Variants in VWA5A observed in about 807,000 individuals in gnomAD.
The protein encoded by VWA5A is von Willebrand factor A domain-containing protein 5A.
Under a neutral mutation model 84.6 loss-of-function variants are expected in VWA5A, and 77 were observed. The observed-to-expected ratio is 0.91, with a 90% confidence interval of 0.76 to 1.10. The LOEUF (loss-of-function observed/expected upper bound fraction) is 1.10. Among genes scored for constraint, VWA5A ranks in the 50% least tolerant of loss-of-function variants. VWA5A has a pLI of 0.00. For synonymous variants in VWA5A, 334 were observed against 350.1 expected (o/e 0.95, Z 0.51); for missense variants, 973 against 963.0 (o/e 1.01, Z -0.14).
intron 11 of VWA5A, among the ~76,000 whole-genome samples, chr11:124,125,644 T>C (rs1591359408): frequency 6.6e-6 from 1 of 152,174 alleles, no homozygotes; most frequent in South Asian, 2.1e-4. Context: ...CCACTTCATA[T>C]TTACCCGCCA....
rs756606640 is a variant in VWA5A, at chr11:124,137,053, A to T, written c.1664A>T (p.Gln555Leu). 1 of 1,612,692 alleles carries T rather than the reference A, an allele frequency of 6.2e-7. No individual in the cohort carries two copies. Among genetic ancestry groups the T allele is most frequent in the African/African-American group, 1.3e-5 (1 of 74,494 alleles). ...CGCCTTGCTGCCAAGTCCTTGCTCCAGACCAAGGACATGGGCCTCAGGGAG... is the reference window on the plus strand; with the variant it reads ...CGCCTTGCTGCCAAGTCCTTGCTCCTGACCAAGGACATGGGCCTCAGGGAG... ...IHRLAAKSLL[Q>L]TKDMGLRETP... The change falls in exon 15 of 19, where the codon CAG (glutamine) becomes CTG (leucine). Residue 555 changes from glutamine to leucine, a missense_variant. Coordinates refer to ENST00000456829, the MANE Select transcript of VWA5A (RefSeq NM_001130142.2).
intron 7 of VWA5A, among the ~76,000 whole-genome samples, chr11:124,122,340 C>T (rs1297454498): frequency 6.6e-6 from 1 of 152,158 alleles, no homozygotes; most frequent in Non-Finnish European, 1.5e-5. Flanking sequence ...CTGTGGTCAC[C>T]CCCACACCAT....
chr11:124,135,108 T>G, intron 12 of VWA5A, 74 bp downstream of exon 12: 1 of 1,309,670 alleles, frequency 7.6e-7, no homozygotes, highest in African/African-American at 1.5e-5. Context: ...GGGAACACTG[T>G]GTAAGGGCAG....
chr11:124,131,005 A>G (rs1865089212), intron 11 of VWA5A, among the ~76,000 whole-genome samples: 1 of 151,994 alleles, frequency 6.6e-6, no homozygotes, highest in Non-Finnish European at 1.5e-5. Flanking sequence ...CTTCTTTTCT[A>G]CAGTGAGATA....
chr11:124,117,831 G>A lies in VWA5A; in HGVS notation c.202G>A (p.Val68Met), dbSNP rs761317971. The change falls in exon 4 of 19, where the codon GTG becomes ATG. Residue 68 changes from valine (V) to methionine (M), a missense_variant. Val to Met is a conservative substitution (Grantham distance 21, BLOSUM62 1). Transcript: ENST00000456829. ...DSAVYSFEAL[V>M]DGKKIVAELQ... Reference sequence around the variant, plus strand: ...TGCTGTTTACAGCTTTGAGGCCTTGGTGGATGGGAAGAAAATTGTAGCAGA... The same window carrying A: ...TGCTGTTTACAGCTTTGAGGCCTTGATGGATGGGAAGAAAATTGTAGCAGA... 5.6e-6 allele frequency: 9 copies of A among 1,614,178 alleles called. No homozygotes were observed. The East Asian group carries it at 2.0e-4, about 36-fold the overall frequency.
intron 11 of VWA5A, among the ~76,000 whole-genome samples, chr11:124,128,576 A>G (rs1865052838): frequency 6.6e-6 from 1 of 151,684 alleles, no homozygotes; most frequent in Non-Finnish European, 1.5e-5. Context: ...TGATGGCAGT[A>G]TGGCCATTTT....
chr11:124,145,598 A>G (rs990651106), intron 18 of VWA5A, among the ~76,000 whole-genome samples: 3 of 152,200 alleles, frequency 2.0e-5, no homozygotes, highest in Non-Finnish European at 2.9e-5. Flanking sequence ...TGAGAAGGAC[A>G]AGTGGCATTG....
In VWA5A at chr11:124,124,368, G is replaced by A. The variant is rs907746618; in HGVS notation, c.1244+52G>A. 3 of 1,601,984 alleles carry A rather than the reference G, an allele frequency of 1.9e-6. No individual in the cohort carries two copies. In the African/African-American group the frequency reaches 4.0e-5, roughly 22 times the overall value. ...GATTGGTGCTGAGTAGTGACACACA[G>A]ACTCTAGTGCTACATGATGCCGGTG... On this transcript the variant is annotated intron_variant, in intron 11 of 18. Transcript: ENST00000456829.
rs1397898339 is a variant in VWA5A at position 124,118,336 on chromosome 11, G to A, written c.394G>A (p.Glu132Lys). Residue 132 changes from glutamate (E) to lysine (K), a missense_variant, in exon 5 of 19, where the codon GAG becomes AAG. Coordinates refer to ENST00000456829, the MANE Select transcript of VWA5A (RefSeq NM_001130142.2). ...GGCAGTCACCCTGAAGTATGTGCAGGAGCTGCCTCTGGAAGCAGATGGGGC... is the reference window on the plus strand; with the variant it reads ...GGCAGTCACCCTGAAGTATGTGCAGAAGCTGCCTCTGGAAGCAGATGGGGC... ...KAAVTLKYVQ[E>K]LPLEADGALR... The A allele has an allele frequency of 6.2e-7, 1 of 1,614,064 alleles. No homozygotes were observed. The highest frequency in any genetic ancestry group is 8.5e-7 in the Non-Finnish European group (1 of 1,180,036).
At chr11:124,116,887 C>T (rs1375660117) in intron 2 of VWA5A, among the ~76,000 whole-genome samples, 1 of 152,104 alleles carries the variant, frequency 6.6e-6, no homozygotes, top group Non-Finnish European at 1.5e-5. Context: ...AAAGAAAAGC[C>T]ACAAGGTAAA....
intron 11 of VWA5A, among the ~76,000 whole-genome samples, chr11:124,133,396 C>A (rs1322948559): frequency 6.6e-6 from 1 of 152,232 alleles, no homozygotes; most frequent in Non-Finnish European, 1.5e-5. Context: ...GTACTTGGCA[C>A]TTGCTTCAAA....
intron 7 of VWA5A, among the ~76,000 whole-genome samples, chr11:124,120,685 G>A (rs1340655854): frequency 1.3e-5 from 2 of 152,118 alleles, no homozygotes; most frequent in Non-Finnish European, 2.9e-5. Flanking sequence ...CCTCTTCCAC[G>A]AAGCTCCATG....
At chr11:124,128,030 G>T (rs1040361896) in intron 11 of VWA5A, among the ~76,000 whole-genome samples, 1 of 152,102 alleles carries the variant, frequency 6.6e-6, no homozygotes, top group Non-Finnish European at 1.5e-5. Context: ...GATCCCATTT[G>T]TCAATTTTGA....
At chr11:124,138,041 C>T (rs138865220) in intron 15 of VWA5A, among the ~76,000 whole-genome samples, 52 of 152,060 alleles carry the variant, frequency 3.4e-4, no homozygotes, top group Admixed American at 2.3e-3. Flanking sequence ...TTGTATTTTT[C>T]GTAGAGATGG....
intron 11 of VWA5A, among the ~76,000 whole-genome samples, chr11:124,132,156 T>G (rs1446800857): frequency 6.6e-6 from 1 of 152,136 alleles, no homozygotes; most frequent in Non-Finnish European, 1.5e-5. Flanking sequence ...TGATAATTCT[T>G]AAATGTTAGA....
At chr11:124,126,020 A>G (rs1865014057) in intron 11 of VWA5A, among the ~76,000 whole-genome samples, 1 of 152,214 alleles carries the variant, frequency 6.6e-6, no homozygotes, top group African/African-American at 2.4e-5. Flanking sequence ...GCACAGTGTC[A>G]TCTCTGTCAT....
chr11:124,123,771 C>T lies in VWA5A; in HGVS notation c.1131C>T (p.Tyr377=), dbSNP rs377683625. The stretch of plus-strand genomic sequence containing the variant: ...TCTTGGCACCACTCCAGAACATTTA[C>T]AGGGGACCCTCCATCCCAGGCCACC... The part of the protein sequence containing the change: ...TEILAPLQNI[Y]RGPSIPGHPL... The change falls in exon 10 of 19, where the codon TAC becomes TAT. Residue 377 remains tyrosine, a synonymous_variant. Coordinates refer to ENST00000456829, the MANE Select transcript of VWA5A (RefSeq NM_001130142.2). 1.2e-6 allele frequency: 2 copies of T among 1,600,136 alleles called. No homozygotes were observed. The highest frequency in any genetic ancestry group is 1.7e-6 in the Non-Finnish European group (2 of 1,174,420).
In VWA5A at chr11:124,124,417, A is replaced by G. The variant is rs947846689; in HGVS notation, c.1244+101A>G. On this transcript the variant is annotated intron_variant, in intron 11 of 18. Transcript: ENST00000456829. ...TGTTGACCTTCCTTCAAGAGGACCAAATGATTTCAGAATTTAGTTTTAGCA... is the reference window on the plus strand; with the variant it reads ...TGTTGACCTTCCTTCAAGAGGACCAGATGATTTCAGAATTTAGTTTTAGCA... The G allele has an allele frequency of 6.2e-6, 9 of 1,456,338 alleles. No individual in the cohort carries two copies. The Admixed American group carries it at 9.4e-5, about 15-fold the overall frequency. 90.2% of individuals were successfully genotyped at this position (1,456,338 alleles called of 1,614,324 possible).
rs191686291 is a variant in VWA5A at position 124,126,512 on chromosome 11, G to T, written c.1244+2196G>T. On this transcript the variant is annotated intron_variant, in intron 11 of 18. Coordinates refer to ENST00000456829, the MANE Select transcript of VWA5A (RefSeq NM_001130142.2). ...CAGTGATTGAAGTCCTGTAATCCCAGCACTTTGGGAGGCCGAGGCAGGCAG... is the reference window on the plus strand; with the variant it reads ...CAGTGATTGAAGTCCTGTAATCCCATCACTTTGGGAGGCCGAGGCAGGCAG... Among the ~76,000 whole-genome samples, 63 of 152,284 alleles carry T rather than the reference G, an allele frequency of 4.1e-4. 1 individual carries two copies. The highest frequency in any genetic ancestry group is 1.4e-3 in the African/African-American group (58 of 41,556).
Sources: gnomAD v4.1 joint callset for allele counts (sites outside exome capture counted in the v4.1 genomes callset) on GRCh38, gnomAD v4.1.1 for gene constraint, MANE v1.5 for transcripts, NCBI Gene and HGNC (gene_info 2026-07-23, HGNC 2026-07-21) for gene names.